RIMS4: variants seen among roughly 807,000 people sequenced by gnomAD.
RIMS4 encodes the protein regulating synaptic membrane exocytosis 4.
RIMS4 carries 9 observed loss-of-function variants against 29.0 expected under a neutral mutation model. The ratio of observed to expected loss-of-function variants is 0.31; its 90% CI spans 0.19 to 0.54. The LOEUF is 0.54. Ranked by LOEUF, RIMS4 falls within the 20% of genes least tolerant of loss-of-function variation. The pLI is 0.94. For missense variants in RIMS4, 193 were observed against 365.7 expected (o/e 0.53, Z 3.85); for synonymous variants, 130 against 152.9 (o/e 0.85, Z 1.10).
chr20:44,759,415 G>A (rs1327730916), intron 2 of RIMS4, among the ~76,000 whole-genome samples: 3 of 152,148 alleles, frequency 2.0e-5, no homozygotes, highest in South Asian at 2.1e-4. Context: ...GTACCACCAC[G>A]CCCGGCCAAT....
rs116324419 is a variant in RIMS4 at position 44,777,869 on chromosome 20, A to G, written c.98-6456T>C. Among the ~76,000 whole-genome samples the G allele has an allele frequency of 3.8e-3, 578 of 152,288 alleles. 1 individual carries two copies. The highest frequency in any genetic ancestry group is 0.013 in the African/African-American group (551 of 41,542). On this transcript the variant is annotated intron_variant, in intron 1 of 5. Coordinates refer to ENST00000372851, the MANE Select transcript of RIMS4 (RefSeq NM_182970.4). ...ATAGAGAAGCCTGTGAAGTTCCCCC[A>G]GACACAAGAGCTCTGGGTGACTGGG...
intron 1 of RIMS4, among the ~76,000 whole-genome samples, chr20:44,780,322 A>G (rs1215703023): frequency 6.6e-6 from 1 of 152,220 alleles, no homozygotes; most frequent in East Asian, 1.9e-4. Context: ...TTAAGTCCAC[A>G]GCAAAGAACT....
In RIMS4 at chr20:44,756,670, G is replaced by T. The variant is rs2066061578; in HGVS notation, c.591+228C>A. Among the ~76,000 whole-genome samples, 1 of 152,096 alleles carries T rather than the reference G, an allele frequency of 6.6e-6. No homozygotes were observed. Among genetic ancestry groups the T allele is most frequent in the South Asian group, 2.1e-4 (1 of 4,832 alleles). On this transcript the variant is annotated intron_variant, in intron 5 of 5. Transcript: ENST00000372851. The surrounding 1 kb of genome is among the most constrained non-coding windows in gnomAD (Gnocchi z 5.9). ...ATGTTATCAGGTAGGTACTATTAGG[G>T]TCCCCGCTTTACAGATGAAGGAACT...
chr20:44,772,183 T>C (rs1264844455), intron 1 of RIMS4, among the ~76,000 whole-genome samples: 2 of 152,008 alleles, frequency 1.3e-5, no homozygotes, highest in Non-Finnish European at 2.9e-5. Flanking sequence ...CATTCTGTGG[T>C]CAAACATCAT....
At chr20:44,781,335 TAC>T (rs541832631) in intron 1 of RIMS4, among the ~76,000 whole-genome samples, 1 of 152,214 alleles carries the variant, frequency 6.6e-6, no homozygotes, top group Non-Finnish European at 1.5e-5. Context: ...GGCAGAGATA[TAC>T]ACAGAGTATT....
chr20:44,774,570 T>C lies in RIMS4; in HGVS notation c.98-3157A>G, dbSNP rs376990513. Among the ~76,000 whole-genome samples, 11 of 152,318 alleles carry C rather than the reference T, an allele frequency of 7.2e-5. No homozygotes were observed. The South Asian group carries it at 8.3e-4, about 11-fold the overall frequency. ...CTTCAGCTTTGGGACTCAGACTGGCTTCCTTGCTCCTCAGCTTGCAGACTG... is the reference window on the plus strand; with the variant it reads ...CTTCAGCTTTGGGACTCAGACTGGCCTCCTTGCTCCTCAGCTTGCAGACTG... On this transcript the variant is annotated intron_variant, in intron 1 of 5. Coordinates refer to ENST00000372851, the MANE Select transcript of RIMS4 (RefSeq NM_182970.4).
rs1160650028 is a variant in RIMS4 at position 44,753,066 on chromosome 20, T to A, written c.*3068A>T. 5 of 152,780 alleles carry A rather than the reference T, an allele frequency of 3.3e-5. No homozygotes were observed. Among genetic ancestry groups the A allele is most frequent in the African/African-American group, 1.2e-4 (5 of 41,480 alleles). 9.5% of individuals were successfully genotyped at this position (152,780 alleles called of 1,614,324 possible). A position where few individuals can be genotyped will look rare whatever the true frequency, so the allele number is the denominator to read the frequency against. The stretch of plus-strand genomic sequence containing the variant: ...CATGCACTGGAGCAACGGTCTCCTG[T>A]CGCCTGAAGAACAATGGAGCCCCTA... On this transcript the variant is annotated 3_prime_UTR_variant, in exon 6 of 6. Transcript: ENST00000372851.
chr20:44,800,193 A>G (rs998497795), intron 1 of RIMS4, among the ~76,000 whole-genome samples: 8 of 152,186 alleles, frequency 5.3e-5, no homozygotes, highest in South Asian at 2.1e-4. Flanking sequence ...GGGCACCACC[A>G]TAAGTGCTTA....
At position 44,756,861 on chromosome 20, in the gene RIMS4, GCACA is replaced by G. The variant is rs143783260; in HGVS notation, c.591+33_591+36del. ...TCTGGTACTGTGCATGTGTGCTCGT[GCACA>G]CACACACACGTGAGCGCGTCAATGC... is the stretch of plus-strand genomic sequence containing the variant. On this transcript the variant is annotated intron_variant, in intron 5 of 5. Transcript: ENST00000372851. This position sits in a 1 kb window ranked among gnomAD's most constrained non-coding sequence, Gnocchi z 5.9. 37 of 1,578,204 alleles carry G rather than the reference GCACA, an allele frequency of 2.3e-5. No individual in the cohort carries two copies. The Middle Eastern group carries it at 5.1e-4, about 22-fold the overall frequency.
intron 2 of RIMS4, among the ~76,000 whole-genome samples, chr20:44,764,537 G>A (rs114743010): frequency 0.022 from 3,333 of 152,180 alleles, 128 homozygotes; most frequent in African/African-American, 0.076. Context: ...AGTGGGTGTC[G>A]GAAGAGGTGC....
Position 44,756,809 on chromosome 20 carries a change from C to A in RIMS4, c.591+89G>T, listed in dbSNP as rs2145441871. The A allele has an allele frequency of 2.2e-6, 3 of 1,372,644 alleles. No homozygotes were observed. Among genetic ancestry groups the A allele is most frequent in the Non-Finnish European group, 2.9e-6 (3 of 1,026,108 alleles). 85.0% of individuals were successfully genotyped at this position (1,372,644 alleles called of 1,614,324 possible). On this transcript the variant is annotated intron_variant, in intron 5 of 5. Transcript: ENST00000372851. The surrounding 1 kb of genome is among the most constrained non-coding windows in gnomAD (Gnocchi z 5.9). ...TCCAGGCGAGGCCCTCCAGAGACAC[C>A]CCCCGCCAGGGGTGCCCTCCTCTCA...
chr20:44,773,872 G>A (rs1415610503), intron 1 of RIMS4, among the ~76,000 whole-genome samples: 1 of 152,188 alleles, frequency 6.6e-6, no homozygotes, highest in African/African-American at 2.4e-5. Flanking sequence ...CGGAGCTGTT[G>A]AGAGGCTTAA....
chr20:44,787,146 T>C (rs745993713), intron 1 of RIMS4, among the ~76,000 whole-genome samples: 19 of 152,130 alleles, frequency 1.2e-4, no homozygotes, highest in African/African-American at 3.6e-4. Context: ...GTGGCAGACA[T>C]GTCTGGTATG....
At position 44,810,492 on chromosome 20, in the gene RIMS4, T is replaced by TGGCGGCGGCGGC. The variant is rs1186589933; in HGVS notation, c.-233_-222dup. Among the ~76,000 whole-genome samples, 665 of 138,714 alleles carry TGGCGGCGGCGGC rather than the reference T, an allele frequency of 4.8e-3. 3 individuals are homozygous for TGGCGGCGGCGGC. Among genetic ancestry groups the TGGCGGCGGCGGC allele is most frequent in the Admixed American group, 0.015 (209 of 14,188 alleles). 91.0% of individuals were successfully genotyped at this position (138,714 alleles called of 152,430 possible). ...CGGAGCCCGAGGCGCGCTGTGCTGC[T>TGGCGGCGGCGGC]GGCGGCGGCGGCGGCGGCGGCGGTG... On this transcript the variant is annotated 5_prime_UTR_variant, in exon 1 of 6. Coordinates refer to ENST00000372851, the MANE Select transcript of RIMS4 (RefSeq NM_182970.4).
intron 1 of RIMS4, among the ~76,000 whole-genome samples, chr20:44,781,404 G>A (rs1422737310): frequency 2.0e-5 from 3 of 152,308 alleles, no homozygotes; most frequent in African/African-American, 7.2e-5. Flanking sequence ...GCACGGTCTG[G>A]GTTGTAAGCA....
At chr20:44,792,543 C>T (rs2066237725) in intron 1 of RIMS4, among the ~76,000 whole-genome samples, 1 of 152,116 alleles carries the variant, frequency 6.6e-6, no homozygotes, top group South Asian at 2.1e-4. Flanking sequence ...CCACCCACCT[C>T]AGCCTCCCAA....
chr20:44,801,534 A>G (rs543179900), intron 1 of RIMS4, among the ~76,000 whole-genome samples: 119 of 152,118 alleles, frequency 7.8e-4, no homozygotes, highest in Non-Finnish European at 1.5e-3. Context: ...GTTTTAACAC[A>G]TAGCCCTCCC....
At chr20:44,761,966 CA>C (rs915072378) in intron 2 of RIMS4, among the ~76,000 whole-genome samples, 1 of 152,174 alleles carries the variant, frequency 6.6e-6, no homozygotes, top group African/African-American at 2.4e-5. Context: ...TGGTCTAGAC[CA>C]GGGGTCCCTA....
chr20:44,765,991 T>C (rs1378228069), intron 2 of RIMS4, among the ~76,000 whole-genome samples: 1 of 152,150 alleles, frequency 6.6e-6, no homozygotes, highest in Non-Finnish European at 1.5e-5. Flanking sequence ...GAGCACCAAC[T>C]GTGGGCCAGC....
Sources: gnomAD v4.1 joint callset for allele counts (sites outside exome capture counted in the v4.1 genomes callset) on GRCh38, gnomAD v4.1.1 for gene constraint, Gnocchi (gnomAD v3.1) non-coding constraint, MANE v1.5 for transcripts, NCBI Gene and HGNC (gene_info 2026-07-23, HGNC 2026-07-21) for gene names.